The following TRPM1 variants were observed in gnomAD, a reference collection of about 807,000 sequenced individuals.
The protein encoded by TRPM1 is transient receptor potential cation channel subfamily M member 1, also known as TRPM1-203 APA Isoform, Intron 10.
In TRPM1, 113 loss-of-function variants were observed where a neutral mutation model predicts 149.4. The ratio of observed to expected loss-of-function variants is 0.76; its 90% CI spans 0.65 to 0.88. The LOEUF is 0.88. Among genes scored for constraint, TRPM1 ranks in the 40% least tolerant of loss-of-function variants. The pLI is 0.00. For missense variants in TRPM1, 1,976 were observed against 2,038.7 expected (o/e 0.97, Z 0.59); for synonymous variants, 741 against 759.5 (o/e 0.98, Z 0.40).
intron 8 of TRPM1, 72 bp from the exon 9 acceptor site, chr15:31,062,774 C>T: frequency 6.5e-7 from 1 of 1,537,418 alleles, no homozygotes. Flanking sequence ...AGACATATCT[C>T]TGTCTTTGAT....
Position 31,042,010 on chromosome 15 carries a change from G to C in TRPM1, c.2028C>G (p.His676Gln), listed in dbSNP as rs746945047. The C allele has an allele frequency of 1.2e-6, 2 of 1,614,174 alleles. No homozygotes were observed. Among genetic ancestry groups the C allele is most frequent in the African/African-American group, 2.7e-5 (2 of 75,036 alleles). ...VACKLYKAMA[H>Q]ESSESDLVDD... The stretch of plus-strand genomic sequence containing the variant: ...CCACCAGATCACTCTCGGAGGACTC[G>C]TGGGCCATGGCCTTGTAGAGCTTGC... Residue 676 changes from histidine to glutamine, a missense_variant, in exon 17 of 28, where the codon CAC becomes CAG. Physicochemically the swap from His to Gln is conservative, Grantham distance 24 (BLOSUM62 0). Around this residue, in one of 3 missense-constraint regions of TRPM1, gnomAD observed 1,332 missense variants for 1,347.1 expected, o/e 0.99. Transcript: ENST00000256552.
intron 21 of TRPM1, among the ~76,000 whole-genome samples, chr15:31,033,280 C>T (rs2033182186): frequency 6.6e-6 from 1 of 152,184 alleles, no homozygotes; most frequent in Non-Finnish European, 1.5e-5. Flanking sequence ...AGGATGAAAA[C>T]TCTAGAGCAT....
chr15:31,141,075 GC>G (rs929204761), intron 1 of TRPM1, among the ~76,000 whole-genome samples: 4 of 151,024 alleles, frequency 2.6e-5, no homozygotes, highest in South Asian at 2.1e-4. Flanking sequence ...CAAGCGATCC[GC>G]CCCCCTCAGC....
intron 27 of TRPM1, 51 bp downstream of exon 27, chr15:31,026,088 G>A (rs529168803): frequency 1.0e-4 from 165 of 1,605,696 alleles, no homozygotes; most frequent in East Asian, 1.8e-4. Context: ...TGGGGCGCCC[G>A]AGTCAGCAAA....
chr15:31,122,728 A>G (rs2035897298), intron 1 of TRPM1, among the ~76,000 whole-genome samples: 1 of 152,220 alleles, frequency 6.6e-6, no homozygotes, highest in Non-Finnish European at 1.5e-5. Flanking sequence ...AGGAAAACTC[A>G]ATATTGTTAA....
rs140850393 is a variant in TRPM1, at chr15:31,036,367, G to A, written c.2572-693C>T. ...AGCTTCTGGGTCCCTCACTGGCACAGGCCCCTGTGGAAGGCTTGGGGGAGG... is the reference window on the plus strand; with the variant it reads ...AGCTTCTGGGTCCCTCACTGGCACAAGCCCCTGTGGAAGGCTTGGGGGAGG... On this transcript the variant is annotated intron_variant, in intron 20 of 27. Transcript: ENST00000256552. Among the ~76,000 whole-genome samples the A allele has an allele frequency of 1.3e-4, 20 of 152,304 alleles. No homozygotes were observed. In the East Asian group the frequency reaches 3.9e-3, roughly 29 times the overall value.
At chr15:31,088,983 C>T (rs931974213) in intron 1 of TRPM1, among the ~76,000 whole-genome samples, 2 of 152,122 alleles carry the variant, frequency 1.3e-5, no homozygotes, top group Non-Finnish European at 2.9e-5. Context: ...ACTTTCTTGG[C>T]TGATGGGCAG....
chr15:31,114,632 C>T (rs2035772812), intron 1 of TRPM1, among the ~76,000 whole-genome samples: 1 of 152,308 alleles, frequency 6.6e-6, no homozygotes, highest in East Asian at 1.9e-4. Flanking sequence ...AAAAAGGCAG[C>T]TGACCTCTCA....
intron 1 of TRPM1, among the ~76,000 whole-genome samples, chr15:31,124,840 A>G (rs2035926786): frequency 6.6e-6 from 1 of 152,102 alleles, no homozygotes; most frequent in South Asian, 2.1e-4. Context: ...TCTGTATGAT[A>G]TGGTAATGGT....
chr15:31,046,100 A>G (rs2033753557), intron 16 of TRPM1, 104 bp downstream of exon 16: 1 of 1,080,490 alleles, frequency 9.3e-7, no homozygotes. Context: ...ACATCTAGGT[A>G]AATTTTGGTG....
At chr15:31,130,832 C>G (rs2036007184) in intron 1 of TRPM1, among the ~76,000 whole-genome samples, 1 of 152,110 alleles carries the variant, frequency 6.6e-6, no homozygotes, top group South Asian at 2.1e-4. Flanking sequence ...CTTAAAAGAC[C>G]CTAGTCTCCG....
chr15:31,065,141 A>G (rs2140959633), intron 7 of TRPM1: 1 of 534,240 alleles, frequency 1.9e-6, no homozygotes, highest in East Asian at 5.4e-5. Flanking sequence ...TGGCCAGGTG[A>G]AATGGGGTGT....
At chr15:31,104,392 C>T (rs1296349382), upstream of TRPM1, among the ~76,000 whole-genome samples, 5 of 152,102 alleles carry the variant, frequency 3.3e-5, no homozygotes. Flanking sequence ...TTCTCATGCT[C>T]CTTTGTTCCC....
At chr15:31,045,032 ACTGGAC>A in intron 16 of TRPM1, among the ~76,000 whole-genome samples, 1 of 152,166 alleles carries the variant, frequency 6.6e-6, no homozygotes, top group Non-Finnish European at 1.5e-5. Context: ...AAGAAATAGG[ACTGGAC>A]CCGGAAATTT....
intron 27 of TRPM1, among the ~76,000 whole-genome samples, chr15:31,009,638 T>G (rs2032112335): frequency 6.6e-6 from 1 of 152,148 alleles, no homozygotes; most frequent in Admixed American, 6.5e-5. Context: ...TTTCTCTGCA[T>G]CATGCTCTTT....
At chr15:31,082,574 C>A (rs753436407) in intron 1 of TRPM1, among the ~76,000 whole-genome samples, 2 of 152,152 alleles carry the variant, frequency 1.3e-5, no homozygotes, top group Non-Finnish European at 2.9e-5. Context: ...GAGGACCCAG[C>A]GATTTTTCAT....
intron 1 of TRPM1, among the ~76,000 whole-genome samples, chr15:31,084,818 G>A (rs1175084261): frequency 6.7e-5 from 10 of 148,306 alleles, no homozygotes; most frequent in South Asian, 4.3e-4. Flanking sequence ...AACTACAGGC[G>A]CCCGCCACCA....
intron 1 of TRPM1, among the ~76,000 whole-genome samples, chr15:31,142,222 A>G (rs2141053255): frequency 6.6e-6 from 1 of 152,324 alleles, no homozygotes; most frequent in Admixed American, 6.5e-5. Context: ...CATCTAAATC[A>G]TTAGGAACTT....
chr15:31,056,720 T>C, intron 11 of TRPM1, among the ~76,000 whole-genome samples: 1 of 152,136 alleles, frequency 6.6e-6, no homozygotes, highest in East Asian at 1.9e-4. Context: ...TTCATGATCT[T>C]GAGAGATTTG....
Sources: gnomAD v4.1 joint callset for allele counts (sites outside exome capture counted in the v4.1 genomes callset) on GRCh38, gnomAD v4.1.1 for gene constraint, gnomAD v4.1.1 regional missense constraint, MANE v1.5 for transcripts, NCBI Gene and HGNC (gene_info 2026-07-23, HGNC 2026-07-21) for gene names.